The following MYO15A variants were observed in gnomAD, a reference collection of about 807,000 sequenced individuals.
MYO15A encodes myosin XVA, also known as unconventional myosin-XV.
In MYO15A, 308 loss-of-function variants were observed where a neutral mutation model predicts 394.6. The observed-to-expected ratio is 0.78, with a 90% CI of 0.71 to 0.86. The LOEUF (loss-of-function observed/expected upper bound fraction) is 0.86, where lower values mean the gene tolerates loss of function less well. Among genes scored for constraint, MYO15A ranks in the 40% least tolerant of loss-of-function variants. MYO15A has a pLI of 0.00. For missense variants in MYO15A, 4,606 were observed against 4,799.1 expected (o/e 0.96, Z 1.19); for synonymous variants, 1,957 against 2,003.8 (o/e 0.98, Z 0.62).
chr17:18,131,129 G>A, intron 8 of MYO15A, 110 bp from the exon 9 acceptor site: 1 of 994,070 alleles, frequency 1.0e-6, no homozygotes, highest in Non-Finnish European at 1.5e-6. Flanking sequence ...CTCTCATAAA[G>A]GGAGGTCCTT....
At chr17:18,136,215 A>G (rs1189294334) in intron 13 of MYO15A, among the ~76,000 whole-genome samples, 1 of 152,066 alleles carries the variant, frequency 6.6e-6, no homozygotes, top group Non-Finnish European at 1.5e-5. Context: ...CTCCCCCATT[A>G]GACCTGCAGT....
rs746972322 is a variant in MYO15A, at chr17:18,120,959, C to T, written c.2159C>T (p.Ala720Val). 42 of 1,484,476 alleles carry T rather than the reference C, an allele frequency of 2.8e-5. 1 individual carries two copies. In the Admixed American group the frequency reaches 9.3e-4, roughly 33 times the overall value. 92.0% of individuals were successfully genotyped at this position (1,484,476 alleles called of 1,614,324 possible). Reference protein sequence around the residue: ...VPPAPQASWWAFVEPPAVSPE... With the variant: ...VPPAPQASWWVFVEPPAVSPE... Reference sequence around the variant, plus strand: ...CCGGCGCCGCAGGCCAGCTGGTGGGCCTTCGTGGAGCCCCCTGCCGTGAGC... The same window carrying T: ...CCGGCGCCGCAGGCCAGCTGGTGGGTCTTCGTGGAGCCCCCTGCCGTGAGC... The change falls in exon 2 of 66, where the codon GCC becomes GTC. Residue 720 changes from alanine to valine, a missense_variant. By Grantham distance (64) the Ala-to-Val change is moderately conservative. Coordinates refer to ENST00000647165, the MANE Select transcript of MYO15A (RefSeq NM_016239.4).
chr17:18,155,534 GC>G, intron 47 of MYO15A, 102 bp downstream of exon 47: 2 of 1,111,950 alleles, frequency 1.8e-6, no homozygotes, highest in Non-Finnish European at 2.7e-6. Flanking sequence ...CCCATGATGC[GC>G]CAGGCTCTGT....
Position 18,179,243 on chromosome 17 carries a change from T to C in MYO15A, c.*373T>C, listed in dbSNP as rs1383391813. The C allele has an allele frequency of 2.7e-6, 1 of 372,466 alleles. No homozygotes were observed. The highest frequency in any genetic ancestry group is 5.2e-6 in the Non-Finnish European group (1 of 194,092). The allele number at this position is 372,466 out of a possible 1,614,324, so 23.1% of individuals were successfully genotyped here. A position where few individuals can be genotyped will look rare whatever the true frequency, so the allele number is the denominator to read the frequency against. ...GCCCAGATGAACTGGCCTCTGCCTT[T>C]GGTTTACTCAGGGTCTGATGTTGGA... On this transcript the variant is annotated 3_prime_UTR_variant, in exon 66 of 66. Transcript: ENST00000647165.
chr17:18,119,694 C>T lies in MYO15A; in HGVS notation c.894C>T (p.Pro298=), dbSNP rs199858487. ...ACCACCCCGACTATTACGGTGGCCC[C>T]TTTGATCCGGGGTACACCTACGGCT... The part of the protein sequence containing the change: ...DYYHPDYYGG[P]FDPGYTYGYG... The change falls in exon 2 of 66, where the codon CCC becomes CCT. Residue 298 remains proline, a synonymous_variant. Transcript: ENST00000647165. 6.4e-5 allele frequency: 103 copies of T among 1,609,828 alleles called. No individual in the cohort carries two copies. Among genetic ancestry groups the T allele is most frequent in the African/African-American group, 2.7e-5 (2 of 75,008 alleles).
intron 13 of MYO15A, among the ~76,000 whole-genome samples, 189 bp from the exon 14 acceptor site, chr17:18,136,228 C>T (rs567056079): frequency 1.1e-4 from 17 of 152,288 alleles, no homozygotes; most frequent in African/African-American, 4.1e-4. Context: ...CCTGCAGTCC[C>T]CACTACTACC....
intron 62 of MYO15A, among the ~76,000 whole-genome samples, chr17:18,169,310 G>C (rs1304046676): frequency 6.6e-6 from 1 of 151,802 alleles, no homozygotes; most frequent in Non-Finnish European, 1.5e-5. Flanking sequence ...GCCGGGCATG[G>C]TGGCGCATGC....
intron 64 of MYO15A, chr17:18,172,717 T>C: frequency 3.0e-6 from 1 of 335,394 alleles, no homozygotes; most frequent in Non-Finnish European, 5.8e-6. Context: ...ACATGGCCTT[T>C]CCTCTGTGTG....
chr17:18,122,369 G>A lies in MYO15A; in HGVS notation c.3569G>A (p.Gly1190Asp), dbSNP rs2045955387. 2 of 1,612,840 alleles carry A rather than the reference G, an allele frequency of 1.2e-6. No individual in the cohort carries two copies. Among genetic ancestry groups the A allele is most frequent in the African/African-American group, 1.3e-5 (1 of 75,068 alleles). Reference protein sequence around the residue: ...GPGAACLSLRGSWEEVGPPSW... With the variant: ...GPGAACLSLRDSWEEVGPPSW... Reference sequence around the variant, plus strand: ...GGAGCTGCCTGCCTGTCCCTTAGGGGCTCCTGGGAGGAGGTCGGCCCGCCA... The same window carrying A: ...GGAGCTGCCTGCCTGTCCCTTAGGGACTCCTGGGAGGAGGTCGGCCCGCCA... The change falls in exon 2 of 66, where the codon GGC (glycine) becomes GAC (aspartate). Residue 1190 changes from glycine to aspartate, a missense_variant. This residue lies in a region of MYO15A where 2,776 missense variants were observed against 3,109.3 expected (regional missense o/e 0.89). Coordinates refer to ENST00000647165, the MANE Select transcript of MYO15A (RefSeq NM_016239.4).
intron 50 of MYO15A, chr17:18,157,458 CT>C: frequency 1.1e-6 from 1 of 888,886 alleles, no homozygotes; most frequent in Non-Finnish European, 1.7e-6. Context: ...GCCTGAATCT[CT>C]CTTTATGTCT....
chr17:18,113,058 A>T (rs981062502), intron 1 of MYO15A, among the ~76,000 whole-genome samples: 1 of 152,024 alleles, frequency 6.6e-6, no homozygotes, highest in African/African-American at 2.4e-5. Context: ...CGTGTTGCCC[A>T]GGCTGGTCTC....
chr17:18,115,981 C>A (rs1272751761), intron 1 of MYO15A, among the ~76,000 whole-genome samples: 2 of 152,214 alleles, frequency 1.3e-5, no homozygotes, highest in African/African-American at 4.8e-5. Context: ...TTCTCTCCAC[C>A]CACATATGGT....
At position 18,161,304 on chromosome 17, in the gene MYO15A, T is replaced by A; in HGVS notation, c.9387-13T>A. On this transcript the variant is annotated splice_polypyrimidine_tract_variant and intron_variant, in intron 56 of 65. Coordinates refer to ENST00000647165, the MANE Select transcript of MYO15A (RefSeq NM_016239.4). The stretch of plus-strand genomic sequence containing the variant: ...GTGGCCACCTCTGCTGTAGCCCCCA[T>A]GTGTCCTTGCAGGGACAGCTGCCAG... 1 of 1,613,392 alleles carries A rather than the reference T, an allele frequency of 6.2e-7. No homozygotes were observed. The highest frequency in any genetic ancestry group is 1.7e-4 in the Middle Eastern group (1 of 6,060).
chr17:18,178,960 TG>T lies in MYO15A; in HGVS notation c.*91del. On this transcript the variant is annotated 3_prime_UTR_variant, in exon 66 of 66. Coordinates refer to ENST00000647165, the MANE Select transcript of MYO15A (RefSeq NM_016239.4). ...TGAACCTCTCAGGATCAATGACCCCTGTAAGGGGCCAGAGCCTTGGAGGACA... is the reference window on the plus strand; with the variant it reads ...TGAACCTCTCAGGATCAATGACCCCTTAAGGGGCCAGAGCCTTGGAGGACA... The T allele has an allele frequency of 7.6e-7, 1 of 1,323,780 alleles. No individual in the cohort carries two copies. The highest frequency in any genetic ancestry group is 1.1e-6 in the Non-Finnish European group (1 of 943,670). The allele number at this position is 1,323,780 out of a possible 1,614,324, so 82.0% of individuals were successfully genotyped here. A position where few individuals can be genotyped will look rare whatever the true frequency, so the allele number is the denominator to read the frequency against.
chr17:18,150,756 C>T lies in MYO15A; in HGVS notation c.7386C>T (p.Ala2462=), dbSNP rs568637767. Residue 2462 remains alanine, a synonymous_variant, in exon 37 of 66, where the codon GCC becomes GCT. Coordinates refer to ENST00000647165, the MANE Select transcript of MYO15A (RefSeq NM_016239.4). This position sits in a 1 kb window ranked among gnomAD's most constrained non-coding sequence, Gnocchi z 4.4. The part of the protein sequence containing the change: ...ALQQAFIHKQ[A]VLLAREMTLQ... ...AGCAAGCCTTCATCCACAAACAGGCCGTGCTGCTGGTGAGTGAGGGAGGGA... is the reference window on the plus strand; with the variant it reads ...AGCAAGCCTTCATCCACAAACAGGCTGTGCTGCTGGTGAGTGAGGGAGGGA... 2.3e-5 allele frequency: 37 copies of T among 1,584,934 alleles called. 1 individual carries two copies. The South Asian group carries it at 3.5e-4, about 15-fold the overall frequency.
At position 18,119,931 on chromosome 17, in the gene MYO15A, C is replaced by A. The variant is rs779206128; in HGVS notation, c.1131C>A (p.Thr377=). The change falls in exon 2 of 66, where the codon ACC becomes ACA. Residue 377 remains threonine (T), a synonymous_variant. Transcript: ENST00000647165. ...PYFDPYGVHY[T]VPYAEGVYGG... ...TTGATCCCTACGGAGTCCACTACAC[C>A]GTCCCCTATGCCGAAGGCGTCTATG... is the stretch of plus-strand genomic sequence containing the variant. The A allele has an allele frequency of 1.2e-6, 2 of 1,613,632 alleles. No individual in the cohort carries two copies. The highest frequency in any genetic ancestry group is 2.2e-5 in the East Asian group (1 of 44,866).
At position 18,142,066 on chromosome 17, in the gene MYO15A, C is replaced by G; in HGVS notation, c.5650-13C>G. The G allele has an allele frequency of 6.2e-7, 1 of 1,611,800 alleles. No individual in the cohort carries two copies. Among genetic ancestry groups the G allele is most frequent in the Non-Finnish European group, 8.5e-7 (1 of 1,179,998 alleles). On this transcript the variant is annotated splice_polypyrimidine_tract_variant and intron_variant, in intron 23 of 65. Coordinates refer to ENST00000647165, the MANE Select transcript of MYO15A (RefSeq NM_016239.4). ...GGCTCCTATCTGCCTCAGTGCCTTC[C>G]TCCTGTCCTTAGCTGTTCCTTAAGG...
chr17:18,126,962 G>C, intron 6 of MYO15A, 97 bp downstream of exon 6: 1 of 1,592,586 alleles, frequency 6.3e-7, no homozygotes, highest in Non-Finnish European at 8.6e-7. Context: ...AAGATTGCCT[G>C]GTACCTCTGG....
In MYO15A at chr17:18,148,146, C is replaced by T. The variant is rs556533850; in HGVS notation, c.6627C>T (p.Thr2209=). The change falls in exon 31 of 66, where the codon ACC becomes ACT. Residue 2209 remains threonine, a synonymous_variant. Transcript: ENST00000647165. This position sits in a 1 kb window ranked among gnomAD's most constrained non-coding sequence, Gnocchi z 4.8. ...GGGCTGCCCGCACCTTACCCCCGAC[C>T]CAGCTCGAGTGGACAGCGACCTATG... ...GSGAARTLPP[T]QLEWTATYEK... The T allele has an allele frequency of 1.9e-6, 3 of 1,613,862 alleles. No individual in the cohort carries two copies. The highest frequency in any genetic ancestry group is 4.5e-5 in the East Asian group (2 of 44,880).
Sources: gnomAD v4.1 joint callset for allele counts (sites outside exome capture counted in the v4.1 genomes callset) on GRCh38, gnomAD v4.1.1 for gene constraint, gnomAD v4.1.1 regional missense constraint, Gnocchi (gnomAD v3.1) non-coding constraint, MANE v1.5 for transcripts, NCBI Gene and HGNC (gene_info 2026-07-23, HGNC 2026-07-21) for gene names.